The following NSMF variants were observed in gnomAD, a reference collection of about 807,000 sequenced individuals.
The protein encoded by NSMF is nasal embryonic LHRH factor.
In NSMF, 31 loss-of-function variants were observed where a neutral mutation model predicts 71.0. The ratio of observed to expected loss-of-function variants is 0.44; its 90% confidence interval spans 0.33 to 0.59. The LOEUF is 0.59. Ranked by LOEUF, NSMF falls within the 20% of genes least tolerant of loss-of-function variation. The pLI, the probability that NSMF is intolerant of heterozygous loss-of-function variation, is 0.04. For synonymous variants in NSMF, 345 were observed against 287.1 expected, an observed-to-expected ratio of 1.20 and a Z score of -2.04; for missense variants, 673 against 740.5, an observed-to-expected ratio of 0.91 and a Z score of 1.06.
chr9:137,453,778 C>T lies in NSMF; in HGVS notation c.875G>A (p.Ser292Asn), dbSNP rs1250541562. The T allele has an allele frequency of 6.2e-7, 1 of 1,600,906 alleles. No individual in the cohort carries two copies. Among genetic ancestry groups the T allele is most frequent in the Admixed American group, 1.7e-5 (1 of 59,594 alleles). The part of the protein sequence containing the change: ...RRERSFSRSW[S>N]DPTPMKADTS... ...GTCGGCTTTCATGGGGGTGGGGTCG[C>T]TCCAGGACCGGCTGAAGCTCCGCTC... Residue 292 changes from serine (S) to asparagine (N), a missense_variant, in exon 8 of 16, where the codon AGC becomes AAC. Physicochemically the swap from Ser to Asn is conservative, Grantham distance 46 (BLOSUM62 1). Around this residue, in one of 2 missense-constraint regions of NSMF, gnomAD observed 471 missense variants for 459.6 expected, o/e 1.02. Coordinates refer to ENST00000371475, the MANE Select transcript of NSMF (RefSeq NM_001130969.3). The surrounding 1 kb of genome is among the most constrained non-coding windows in gnomAD (Gnocchi z 4.5).
rs1053404966 is a variant in NSMF, at chr9:137,457,480, G to A, written c.555C>T (p.Asp185=). 1 of 1,612,724 alleles carries A rather than the reference G, an allele frequency of 6.2e-7. No individual in the cohort carries two copies. The highest frequency in any genetic ancestry group is 8.5e-7 in the Non-Finnish European group (1 of 1,179,938). The change falls in exon 3 of 16, where the codon GAC becomes GAT. Residue 185 remains aspartate (D), a synonymous_variant. Transcript: ENST00000371475. ...PGPTPRAFGL[D]QPPLPETSGR... ...CGGAGGTCTCAGGCAGAGGTGGCTG[G>A]TCCAGCCCAAAGGCCCGAGGGGTGG...
rs747622558 is a variant in NSMF at position 137,457,502 on chromosome 9, G to T, written c.533C>A (p.Thr178Asn). The T allele has an allele frequency of 8.1e-6, 13 of 1,611,962 alleles. No homozygotes were observed. The East Asian group carries it at 1.1e-4, about 14-fold the overall frequency. The change falls in exon 3 of 16, where the codon ACC becomes AAC. Residue 178 changes from threonine to asparagine, a missense_variant. Coordinates refer to ENST00000371475, the MANE Select transcript of NSMF (RefSeq NM_001130969.3). ...PGCAQLAPGP[T>N]PRAFGLDQPP... ...CTGGTCCAGCCCAAAGGCCCGAGGG[G>T]TGGGGCCAGGAGCCAGCTGGGCACA...
intron 4 of NSMF, 187 bp downstream of exon 4, chr9:137,456,224 C>A: frequency 3.0e-6 from 2 of 675,966 alleles, no homozygotes; most frequent in South Asian, 1.5e-5. Context: ...GGGGGCTGGG[C>A]ACCAGCCATG....
rs1354571654 is a variant in NSMF at position 137,450,211 on chromosome 9, G to A, written c.1281C>T (p.Thr427=). Residue 427 remains threonine, a synonymous_variant, in exon 13 of 16, where the codon ACC becomes ACT. Transcript: ENST00000371475. The part of the protein sequence containing the change: ...HLYLLKNKVA[T]FAKVEKEEDM... ...CCTCTTCCTTCTCCACTTTGGCAAA[G>A]GTGGCCACCTTGTTCTTGAGGAGAT... The A allele has an allele frequency of 1.9e-6, 3 of 1,613,420 alleles. No individual in the cohort carries two copies. The highest frequency in any genetic ancestry group is 2.5e-6 in the Non-Finnish European group (3 of 1,179,884).
Position 137,454,520 on chromosome 9 carries a change from T to A in NSMF, c.780-77A>T, listed in dbSNP as rs780710166. 8 of 1,549,362 alleles carry A rather than the reference T, an allele frequency of 5.2e-6. No individual in the cohort carries two copies. In the South Asian group the frequency reaches 8.3e-5, roughly 16 times the overall value. Reference sequence around the variant, plus strand: ...CCCTGCCCACCTAGCCCCCGTCGGGTCATGGCTCTACTCTCACCCCTTCGG... The same window carrying A: ...CCCTGCCCACCTAGCCCCCGTCGGGACATGGCTCTACTCTCACCCCTTCGG... On this transcript the variant is annotated intron_variant, in intron 6 of 15. Transcript: ENST00000371475.
rs1839684869 is a variant in NSMF, at chr9:137,447,957, A to G, written c.*1437T>C. On this transcript the variant is annotated 3_prime_UTR_variant, in exon 16 of 16. Transcript: ENST00000371475. ...CCTCTCCCTGGTGCCCTCAGGCGGC[A>G]GGGGGAACGGGCTGTCTCTGCTGTC... 2 of 152,012 alleles carry G rather than the reference A, an allele frequency of 1.3e-5. No individual in the cohort carries two copies. The highest frequency in any genetic ancestry group is 2.1e-4 in the South Asian group (1 of 4,824). The allele number at this position is 152,012 out of a possible 1,614,324, so 9.4% of individuals were successfully genotyped here.
chr9:137,458,042 G>T, intron 2 of NSMF, 141 bp from the exon 3 acceptor site: 2 of 1,224,664 alleles, frequency 1.6e-6, no homozygotes, highest in South Asian at 2.6e-5. Flanking sequence ...AGTCACTGGC[G>T]TGTTTCTGAG....
intron 4 of NSMF, 73 bp from the exon 5 acceptor site, chr9:137,455,707 C>T: frequency 6.6e-7 from 1 of 1,507,882 alleles, no homozygotes; most frequent in East Asian, 2.5e-5. Context: ...TCCCCTCAGC[C>T]CCCACCCGGT....
intron 7 of NSMF, among the ~76,000 whole-genome samples, chr9:137,454,105 G>T (rs1286215315): frequency 2.9e-5 from 2 of 70,086 alleles, no homozygotes; most frequent in African/African-American, 6.3e-5. Context: ...GGGCGTGGCT[G>T]GGAGGGGAGG....
intron 6 of NSMF, 33 bp downstream of exon 6, chr9:137,455,206 G>A (rs931485089): frequency 1.2e-6 from 2 of 1,605,216 alleles, no homozygotes; most frequent in Non-Finnish European, 1.7e-6. Context: ...GACCAGAGAT[G>A]GACCCTGGTG....
intron 4 of NSMF, among the ~76,000 whole-genome samples, chr9:137,456,127 A>G: frequency 6.6e-6 from 1 of 151,342 alleles, no homozygotes; most frequent in East Asian, 2.0e-4. Context: ...GGATAGGAGC[A>G]GGAGAACCTG....
In NSMF at chr9:137,457,089, C is replaced by T. The variant is rs60694609; in HGVS notation, c.628+318G>A. Among the ~76,000 whole-genome samples the T allele has an allele frequency of 5.6e-3, 850 of 152,272 alleles. 9 individuals carry two copies. The highest frequency in any genetic ancestry group is 0.027 in the Middle Eastern group (8 of 294). On this transcript the variant is annotated intron_variant, in intron 3 of 15. Transcript: ENST00000371475. The stretch of plus-strand genomic sequence containing the variant: ...AGGGCAGCCCAGTCTCCTGATTAAG[C>T]GGTGCTTCCTCCCTACATATCCCTT...
rs988071404 is a variant in NSMF, at chr9:137,453,242, C to T, written c.923-62G>A. The T allele has an allele frequency of 6.2e-7, 1 of 1,604,670 alleles. No homozygotes were observed. The highest frequency in any genetic ancestry group is 1.7e-5 in the Admixed American group (1 of 59,768). On this transcript the variant is annotated intron_variant, in intron 8 of 15. Coordinates refer to ENST00000371475, the MANE Select transcript of NSMF (RefSeq NM_001130969.3). This position sits in a 1 kb window ranked among gnomAD's most constrained non-coding sequence, Gnocchi z 4.5. ...GCAGCACCTCCTATCCTGGCCATGG[C>T]CCCAAGGCCCACAGGGCCCGAAAGC... is the stretch of plus-strand genomic sequence containing the variant.
chr9:137,456,633 C>T (rs1463329434), intron 3 of NSMF, 147 bp from the exon 4 acceptor site: 11 of 723,540 alleles, frequency 1.5e-5, no homozygotes, highest in South Asian at 4.3e-5. Context: ...CATCCCCACA[C>T]GGGCACAGAG....
intron 3 of NSMF, 96 bp from the exon 4 acceptor site, chr9:137,456,582 T>A: frequency 8.7e-6 from 6 of 692,988 alleles, no homozygotes; most frequent in East Asian, 3.5e-5. Context: ...GGTCCAGGGG[T>A]CAGCAGAAGC....
chr9:137,457,945 C>G, intron 2 of NSMF, 44 bp from the exon 3 acceptor site: 1 of 1,535,716 alleles, frequency 6.5e-7, no homozygotes, highest in Non-Finnish European at 8.7e-7. Context: ...GTGTGGGCCC[C>G]CCGCTGCCGG....
chr9:137,452,228 C>T, intron 12 of NSMF, 137 bp downstream of exon 12: 1 of 792,340 alleles, frequency 1.3e-6, no homozygotes, highest in Non-Finnish European at 2.1e-6. Flanking sequence ...TGGTCTCCCC[C>T]ACAAACACCT....
rs1351592109 is a variant in NSMF at position 137,454,446 on chromosome 9, G to A, written c.780-3C>T. 3 of 1,550,066 alleles carry A rather than the reference G, an allele frequency of 1.9e-6. No individual in the cohort carries two copies. Among genetic ancestry groups the A allele is most frequent in the African/African-American group, 1.4e-5 (1 of 73,010 alleles). Reference sequence around the variant, plus strand: ...TGCGCAGGTGTTTGCGGAAGTTCCTGGGGGAGGAAGCCAGGGGCTGAAGAG... The same window carrying A: ...TGCGCAGGTGTTTGCGGAAGTTCCTAGGGGAGGAAGCCAGGGGCTGAAGAG... On this transcript the variant is annotated splice_region_variant and splice_polypyrimidine_tract_variant and intron_variant, in intron 6 of 15. Transcript: ENST00000371475.
intron 6 of NSMF, 82 bp from the exon 7 acceptor site, chr9:137,454,525 G>C (rs1437442514): frequency 1.3e-6 from 2 of 1,549,294 alleles, no homozygotes; most frequent in Non-Finnish European, 8.7e-7. Flanking sequence ...TCGGGTCATG[G>C]CTCTACTCTC....
Sources: gnomAD v4.1 joint callset for allele counts (sites outside exome capture counted in the v4.1 genomes callset) on GRCh38, gnomAD v4.1.1 for gene constraint, gnomAD v4.1.1 regional missense constraint, Gnocchi (gnomAD v3.1) non-coding constraint, MANE v1.5 for transcripts, NCBI Gene and HGNC (gene_info 2026-07-23, HGNC 2026-07-21) for gene names.